PHC2: variants seen among roughly 807,000 people sequenced by gnomAD.
The protein encoded by PHC2 is polyhomeotic homolog 2.
In PHC2, 29 loss-of-function variants were observed where a neutral mutation model predicts 87.4. That is an observed-to-expected ratio of 0.33 (90% CI 0.25 to 0.45). The LOEUF (loss-of-function observed/expected upper bound fraction) is 0.45, where lower values mean the gene tolerates loss of function less well. Among genes scored for constraint, PHC2 ranks in the 20% least tolerant of loss-of-function variants. The pLI is 1.00. For missense variants in PHC2, 857 were observed against 1,136.7 expected (o/e 0.75, Z 3.54); for synonymous variants, 438 against 461.7 (o/e 0.95, Z 0.66).
Position 33,375,425 on chromosome 1 carries a change from G to C in PHC2, c.115C>G (p.Arg39Gly). The C allele has an allele frequency of 6.2e-7, 1 of 1,611,696 alleles. No homozygotes were observed. The highest frequency in any genetic ancestry group is 8.5e-7 in the Non-Finnish European group (1 of 1,178,988). Residue 39 changes from arginine (R) to glycine (G), a missense_variant, in exon 2 of 15, where the codon CGC becomes GGC. Transcript: ENST00000683057. ...ACAGAAATCTGGGGCCCGGTGGGGC[G>C]GCCACTTCCACCACTGCTGCTGTTG... is the stretch of plus-strand genomic sequence containing the variant. ...CNNSSSGGSGRPTGPQISVYS... is the reference protein window; with the variant it reads ...CNNSSSGGSGGPTGPQISVYS...
intron 1 of PHC2, among the ~76,000 whole-genome samples, chr1:33,420,708 C>T (rs548803249): frequency 3.5e-4 from 53 of 152,140 alleles, no homozygotes; most frequent in Admixed American, 9.8e-4. Context: ...CTCTTGGGCT[C>T]AAGTGATCCT....
chr1:33,335,996 GTTT>G (rs200111745), intron 9 of PHC2, among the ~76,000 whole-genome samples: 3 of 146,484 alleles, frequency 2.0e-5, no homozygotes, highest in East Asian at 4.0e-4. Context: ...TGTTGTTGTT[GTTT>G]TTTTTTTTAG....
chr1:33,328,500 G>C, intron 14 of PHC2, among the ~76,000 whole-genome samples: 1 of 150,432 alleles, frequency 6.6e-6, no homozygotes, highest in East Asian at 2.0e-4. Context: ...ATAGGTGTGA[G>C]CCACCACACC....
rs1257536372 is a variant in PHC2, at chr1:33,324,782, T to C, written c.*83A>G. 6.2e-6 allele frequency: 9 copies of C among 1,458,622 alleles called. No individual in the cohort carries two copies. Among genetic ancestry groups the C allele is most frequent in the Non-Finnish European group, 8.3e-6 (9 of 1,089,110 alleles). 90.4% of individuals were successfully genotyped at this position (1,458,622 alleles called of 1,614,324 possible). ...GCCCCTGCCCTCCAACCGGCCCCAT[T>C]TCTGGGCCCCTCAGGAATGTCTGTC... On this transcript the variant is annotated 3_prime_UTR_variant, in exon 15 of 15. Transcript: ENST00000683057.
At position 33,369,537 on chromosome 1, in the gene PHC2, A is replaced by G. The variant is rs1431467576; in HGVS notation, c.576+884T>C. On this transcript the variant is annotated intron_variant, in intron 5 of 14. Transcript: ENST00000683057. This position sits in a 1 kb window ranked among gnomAD's most constrained non-coding sequence, Gnocchi z 4.7. The stretch of plus-strand genomic sequence containing the variant: ...AAGTCTATTTCATGCCTTGTGTCTA[A>G]GAGGCTGTTCCCTGGGGATAGAGAT... Among the ~76,000 whole-genome samples the G allele has an allele frequency of 2.6e-5, 4 of 152,170 alleles. No homozygotes were observed. Among genetic ancestry groups the G allele is most frequent in the African/African-American group, 9.7e-5 (4 of 41,432 alleles).
intron 7 of PHC2, among the ~76,000 whole-genome samples, chr1:33,361,778 C>T (rs996021800): frequency 5.3e-5 from 8 of 152,236 alleles, no homozygotes; most frequent in African/African-American, 1.7e-4. Context: ...GAAGCCAAAA[C>T]AAGAGGAAGT....
At chr1:33,389,494 C>T (rs939939132) in intron 1 of PHC2, among the ~76,000 whole-genome samples, 2 of 152,140 alleles carry the variant, frequency 1.3e-5, no homozygotes, top group Non-Finnish European at 2.9e-5. Flanking sequence ...GGCCCAGCCA[C>T]CACTTAAAGG....
intron 1 of PHC2, among the ~76,000 whole-genome samples, chr1:33,423,012 C>T (rs906356130): frequency 6.6e-6 from 1 of 151,930 alleles, no homozygotes; most frequent in African/African-American, 2.4e-5. Context: ...TGATTCTCCC[C>T]CACTATACCC....
chr1:33,368,545 G>A lies in PHC2; in HGVS notation c.654C>T (p.Thr218=). The A allele has an allele frequency of 1.3e-6, 2 of 1,530,272 alleles. No individual in the cohort carries two copies. Among genetic ancestry groups the A allele is most frequent in the South Asian group, 1.2e-5 (1 of 83,240 alleles). 94.8% of individuals were successfully genotyped at this position (1,530,272 alleles called of 1,614,324 possible). A position where few individuals can be genotyped will look rare whatever the true frequency, so the allele number is the denominator to read the frequency against. The change falls in exon 6 of 15, where the codon ACC becomes ACT. Residue 218 remains threonine, a synonymous_variant. Coordinates refer to ENST00000683057, the MANE Select transcript of PHC2 (RefSeq NM_001385109.1). This position sits in a 1 kb window ranked among gnomAD's most constrained non-coding sequence, Gnocchi z 6.6. ...AGCATGGAGTCCTCACCTGGGCGGG[G>A]GTGGGGGGCCGGGCGGGGGAGCCAG... is the stretch of plus-strand genomic sequence containing the variant. ...LGTGSPARPP[T]PAQVQNLTLR...
intron 9 of PHC2, 30 bp downstream of exon 9, chr1:33,354,371 C>T (rs750449792): frequency 1.4e-5 from 22 of 1,581,078 alleles, no homozygotes; most frequent in Middle Eastern, 2.0e-4. Context: ...AACTTCCTCC[C>T]CTCCCCCAGG....
chr1:33,419,588 C>T lies in PHC2; in HGVS notation c.-55+11388G>A, dbSNP rs114929366. Among the ~76,000 whole-genome samples the T allele has an allele frequency of 3.2e-3, 480 of 151,788 alleles. 1 individual carries two copies. Among genetic ancestry groups the T allele is most frequent in the African/African-American group, 0.011 (468 of 41,402 alleles). The stretch of plus-strand genomic sequence containing the variant: ...TCCATGTCCATTGTCTCCACCTTGT[C>T]TGTGTCTCCTTCTGCCTCTCTCTCT... On this transcript the variant is annotated intron_variant, in intron 1 of 14. Transcript: ENST00000683057.
intron 1 of PHC2, among the ~76,000 whole-genome samples, chr1:33,418,849 C>A (rs1650313012): frequency 6.6e-6 from 1 of 152,154 alleles, no homozygotes; most frequent in Non-Finnish European, 1.5e-5. Flanking sequence ...GTGAACACAG[C>A]AGAAAACATG....
At chr1:33,425,551 G>T (rs1650634988) in intron 1 of PHC2, among the ~76,000 whole-genome samples, 1 of 152,184 alleles carries the variant, frequency 6.6e-6, no homozygotes, top group Non-Finnish European at 1.5e-5. Context: ...AGATGCTGAA[G>T]TACGAAGAAA....
rs773040869 is a variant in PHC2 at position 33,375,417 on chromosome 1, G to A, written c.123C>T (p.Thr41=). ...NSSSGGSGRP[T]GPQISVYSGI... ...CACTGTACACAGAAATCTGGGGCCC[G>A]GTGGGGCGGCCACTTCCACCACTGC... Residue 41 remains threonine (T), a synonymous_variant, in exon 2 of 15, where the codon ACC becomes ACT. Coordinates refer to ENST00000683057, the MANE Select transcript of PHC2 (RefSeq NM_001385109.1). 6.8e-6 allele frequency: 11 copies of A among 1,611,260 alleles called. No individual in the cohort carries two copies. Among genetic ancestry groups the A allele is most frequent in the South Asian group, 2.2e-5 (2 of 90,656 alleles).
In PHC2 at chr1:33,330,068, T is replaced by C; in HGVS notation, c.2148+3A>G. ...GGAGCTTCAGGCTCTGCCCGCCTCT[T>C]ACCTGCTTCTTGGTATCCTTGGTAA... is the stretch of plus-strand genomic sequence containing the variant. On this transcript the variant is annotated splice_donor_region_variant and intron_variant, in intron 13 of 14. Coordinates refer to ENST00000683057, the MANE Select transcript of PHC2 (RefSeq NM_001385109.1). The C allele has an allele frequency of 6.2e-7, 1 of 1,613,470 alleles. No individual in the cohort carries two copies. The highest frequency in any genetic ancestry group is 8.5e-7 in the Non-Finnish European group (1 of 1,179,856).
rs1570433804 is a variant in PHC2 at position 33,324,819 on chromosome 1, A to C, written c.*46T>G. The stretch of plus-strand genomic sequence containing the variant: ...CAGGAATGTCTGTCTGGCTCTGCTC[A>C]GTCGGGAGGAGGCGCCCTGGGCCAG... On this transcript the variant is annotated 3_prime_UTR_variant, in exon 15 of 15. Transcript: ENST00000683057. 1.9e-6 allele frequency: 3 copies of C among 1,569,556 alleles called. No homozygotes were observed. The highest frequency in any genetic ancestry group is 2.6e-6 in the Non-Finnish European group (3 of 1,154,472).
chr1:33,415,212 C>T (rs4503314), intron 1 of PHC2, among the ~76,000 whole-genome samples: 31,871 of 151,976 alleles, frequency 0.21, 5,668 homozygotes, highest in African/African-American at 0.49. Context: ...GGAGTTCTAT[C>T]GACAGGCCTC....
At chr1:33,408,666 C>T (rs1649864356) in intron 1 of PHC2, among the ~76,000 whole-genome samples, 1 of 152,024 alleles carries the variant, frequency 6.6e-6, no homozygotes, top group African/African-American at 2.4e-5. Flanking sequence ...GGGGTTTCAC[C>T]ATGTTGGCCA....
intron 7 of PHC2, among the ~76,000 whole-genome samples, chr1:33,366,357 G>T (rs1222212653): frequency 2.0e-5 from 3 of 152,218 alleles, no homozygotes; most frequent in African/African-American, 7.2e-5. Context: ...TCCCATTAAA[G>T]ATTGCCTACA....
Sources: gnomAD v4.1 joint callset for allele counts (sites outside exome capture counted in the v4.1 genomes callset) on GRCh38, gnomAD v4.1.1 for gene constraint, Gnocchi (gnomAD v3.1) non-coding constraint, MANE v1.5 for transcripts, NCBI Gene and HGNC (gene_info 2026-07-23, HGNC 2026-07-21) for gene names.